EYS: variants seen among roughly 807,000 people sequenced by gnomAD.
EYS encodes EGF-like photoreceptor maintenance factor.
Under a neutral mutation model 282.1 loss-of-function variants are expected in EYS, and 250 were observed. That is an observed-to-expected ratio of 0.89 (90% CI 0.80 to 0.98). The LOEUF is 0.98. Ranked by LOEUF, EYS falls within the 50% of genes least tolerant of loss-of-function variation. EYS has a pLI of 0.00. For missense variants in EYS, 4,016 were observed against 3,709.0 expected (o/e 1.08, Z -2.15); for synonymous variants, 1,355 against 1,282.9 (o/e 1.06, Z -1.20).
intron 31 of EYS, among the ~76,000 whole-genome samples, chr6:64,125,909 T>C (rs2150277787): frequency 6.8e-6 from 1 of 146,600 alleles, no homozygotes; most frequent in Admixed American, 6.7e-5. Flanking sequence ...ATTTGCACTA[T>C]TCTCTTCTTT....
chr6:64,952,298 G>T (rs1769538504), intron 14 of EYS, among the ~76,000 whole-genome samples: 1 of 151,982 alleles, frequency 6.6e-6, no homozygotes, highest in Non-Finnish European at 1.5e-5. Context: ...GTGGGAATTT[G>T]TTGACAGATG....
At chr6:65,086,435 A>C (rs890922909) in intron 12 of EYS, among the ~76,000 whole-genome samples, 1 of 152,172 alleles carries the variant, frequency 6.6e-6, no homozygotes, top group African/African-American at 2.4e-5. Context: ...TTAGGCTTTC[A>C]TGGTTTCTTT....
At chr6:63,805,744 T>C (rs1408380040) in intron 37 of EYS, among the ~76,000 whole-genome samples, 2 of 152,140 alleles carry the variant, frequency 1.3e-5, no homozygotes, top group Non-Finnish European at 2.9e-5. Flanking sequence ...TGATAGTGAG[T>C]GAGTTCTCAG....
intron 5 of EYS, among the ~76,000 whole-genome samples, chr6:65,421,949 A>C (rs1042555433): frequency 3.3e-5 from 5 of 152,054 alleles, no homozygotes; most frequent in African/African-American, 1.2e-4. Context: ...CCCCATGTAG[A>C]TATAACAATA....
At chr6:64,120,172 CCTGTCTCTA>C (rs1435476626) in intron 31 of EYS, among the ~76,000 whole-genome samples, 1 of 149,034 alleles carries the variant, frequency 6.7e-6, no homozygotes, top group Non-Finnish European at 1.5e-5. Context: ...ACGGTGAAAC[CCTGTCTCTA>C]CTAAAAAAAA....
At chr6:64,925,677 T>C (rs1328935938) in intron 15 of EYS, among the ~76,000 whole-genome samples, 2 of 152,138 alleles carry the variant, frequency 1.3e-5, no homozygotes, top group Admixed American at 1.3e-4. Flanking sequence ...TGTAAGATGT[T>C]CTCACCTTGT....
chr6:64,228,234 C>G (rs946030151), intron 31 of EYS, among the ~76,000 whole-genome samples: 4 of 152,110 alleles, frequency 2.6e-5, no homozygotes, highest in Non-Finnish European at 2.9e-5. Context: ...ATACTCTATT[C>G]AAATGTAAAG....
At chr6:65,155,097 G>A (rs1419183725) in intron 12 of EYS, among the ~76,000 whole-genome samples, 1 of 151,450 alleles carries the variant, frequency 6.6e-6, no homozygotes, top group African/African-American at 2.4e-5. Flanking sequence ...AATGCACTCA[G>A]GAATTTTACA....
intron 22 of EYS, among the ~76,000 whole-genome samples, chr6:64,706,731 A>T (rs1399443427): frequency 6.6e-6 from 1 of 152,240 alleles, no homozygotes; most frequent in African/African-American, 2.4e-5. Flanking sequence ...ATCACTAATG[A>T]TCAGGAAAAT....
At chr6:64,518,605 G>A (rs1777634205) in intron 26 of EYS, among the ~76,000 whole-genome samples, 1 of 151,542 alleles carries the variant, frequency 6.6e-6, no homozygotes, top group Non-Finnish European at 1.5e-5. Context: ...TTGACCCGAC[G>A]GGAATGATAT....
chr6:64,890,417 G>A (rs9351468), intron 18 of EYS, among the ~76,000 whole-genome samples: 12 of 151,926 alleles, frequency 7.9e-5, no homozygotes, highest in Non-Finnish European at 1.3e-4. Flanking sequence ...GAGGCATCAC[G>A]GAACCTACAG....
At chr6:64,213,670 T>C (rs2150329040) in intron 31 of EYS, among the ~76,000 whole-genome samples, 2 of 152,312 alleles carry the variant, frequency 1.3e-5, no homozygotes, top group South Asian at 4.1e-4. Context: ...TTATGAAGCA[T>C]TAATGTGACA....
intron 1 of EYS, among the ~76,000 whole-genome samples, chr6:65,687,854 A>G (rs1351223712): frequency 2.0e-5 from 3 of 152,162 alleles, no homozygotes; most frequent in African/African-American, 7.2e-5. Context: ...AGAATAAAAT[A>G]CCTAGGAATC....
chr6:64,025,995 C>T (rs1157596545), intron 33 of EYS, among the ~76,000 whole-genome samples: 1 of 152,182 alleles, frequency 6.6e-6, no homozygotes, highest in Non-Finnish European at 1.5e-5. Context: ...GGCAAGGGTG[C>T]AGGTTTTTTA....
At chr6:64,940,068 A>G (rs113462892) in intron 15 of EYS, among the ~76,000 whole-genome samples, 12 of 152,110 alleles carry the variant, frequency 7.9e-5, no homozygotes, top group African/African-American at 2.9e-4. Flanking sequence ...GGTAAGACTT[A>G]CCATAAACCT....
chr6:65,475,975 A>C (rs1002689746), intron 5 of EYS, among the ~76,000 whole-genome samples: 7 of 152,172 alleles, frequency 4.6e-5, no homozygotes, highest in African/African-American at 1.2e-4. Flanking sequence ...TCTCAATGAT[A>C]TTCTTCATTA....
chr6:65,619,362 A>G (rs557455185), intron 2 of EYS, among the ~76,000 whole-genome samples: 2 of 151,792 alleles, frequency 1.3e-5, no homozygotes, highest in South Asian at 4.2e-4. Flanking sequence ...TTTGTCTGTT[A>G]TTGGTGTATA....
intron 31 of EYS, among the ~76,000 whole-genome samples, chr6:64,218,841 C>A (rs898614754): frequency 6.6e-6 from 1 of 152,070 alleles, no homozygotes; most frequent in Admixed American, 6.6e-5. Flanking sequence ...TTGGCAGAAC[C>A]GTGATGCCTG....
intron 14 of EYS, among the ~76,000 whole-genome samples, chr6:64,982,237 T>C (rs913627331): frequency 1.3e-5 from 2 of 151,250 alleles, no homozygotes; most frequent in African/African-American, 4.8e-5. Context: ...TTTAAACAAA[T>C]TGAAGATAGC....
Sources: gnomAD v4.1 joint callset for allele counts (sites outside exome capture counted in the v4.1 genomes callset) on GRCh38, gnomAD v4.1.1 for gene constraint, MANE v1.5 for transcripts, NCBI Gene and HGNC (gene_info 2026-07-23, HGNC 2026-07-21) for gene names.